LRRCC1: variants seen among roughly 807,000 people sequenced by gnomAD.
The protein encoded by LRRCC1 is leucine-rich repeat and coiled-coil domain-containing protein 1.
Under a neutral mutation model 126.0 loss-of-function variants are expected in LRRCC1, and 115 were observed. The ratio of observed to expected loss-of-function variants is 0.91; its 90% CI spans 0.78 to 1.07. The LOEUF (loss-of-function observed/expected upper bound fraction) is 1.07. LRRCC1 is among the 50% of genes least tolerant of loss of function. LRRCC1 has a pLI of 0.00. For missense variants in LRRCC1, 1,172 were observed against 1,175.7 expected, an observed-to-expected ratio of 1.00 and a Z score of 0.05; for synonymous variants, 400 against 393.4, an observed-to-expected ratio of 1.02 and a Z score of -0.20.
chr8:85,110,301 C>A, intron 3 of LRRCC1, 121 bp downstream of exon 3: 1 of 452,172 alleles, frequency 2.2e-6, no homozygotes, highest in Non-Finnish European at 4.0e-6. Flanking sequence ...CCAAAGAGCT[C>A]ATCTAGAGAG....
intron 5 of LRRCC1, 49 bp from the exon 6 acceptor site, chr8:85,115,326 A>C: frequency 6.4e-7 from 1 of 1,567,516 alleles, no homozygotes. Flanking sequence ...TTCAAATTTC[A>C]ATAAGTGAAT....
chr8:85,138,511 T>TA, intron 17 of LRRCC1, 36 bp downstream of exon 17: 1 of 1,584,706 alleles, frequency 6.3e-7, no homozygotes, highest in Non-Finnish European at 8.6e-7. Flanking sequence ...GAGATCTCCT[T>TA]AATCGTAAAC....
chr8:85,138,229 CAG>C lies in LRRCC1; in HGVS notation c.2690_2691del (p.Arg897LysfsTer12). ...GAAAGGAAGTAGAACTTGAAGAAAT[CAG>C]AAAAGCTTACAGGTATTATATAGTA... is the stretch of plus-strand genomic sequence containing the variant. The part of the protein sequence containing the change: ...KGKEVELEEI[R>X]KAYSTLNRKW... On this transcript the variant is annotated frameshift_variant, in exon 16 of 19. Coordinates refer to ENST00000360375, the MANE Select transcript of LRRCC1 (RefSeq NM_033402.5). LOFTEE classifies it high-confidence loss of function. 8 of 1,606,248 alleles carry C rather than the reference CAG, an allele frequency of 5.0e-6. No homozygotes were observed. The highest frequency in any genetic ancestry group is 6.8e-6 in the Non-Finnish European group (8 of 1,177,002).
At position 85,135,895 on chromosome 8, in the gene LRRCC1, C is replaced by T. The variant is rs376384602; in HGVS notation, c.2261C>T (p.Ala754Val). Residue 754 changes from alanine to valine, a missense_variant, in exon 14 of 19, where the codon GCC becomes GTC. Physicochemically the swap from Ala to Val is moderately conservative, Grantham distance 64 (BLOSUM62 0). Coordinates refer to ENST00000360375, the MANE Select transcript of LRRCC1 (RefSeq NM_033402.5). ...GTCCAGCTTATTTCTGAGCTAGCAG[C>T]CAAGGAATCACTAATATTTGGTTTA... is the stretch of plus-strand genomic sequence containing the variant. ...EKVQLISELA[A>V]KESLIFGLRT... 3 of 1,606,802 alleles carry T rather than the reference C, an allele frequency of 1.9e-6. No homozygotes were observed. The highest frequency in any genetic ancestry group is 2.6e-6 in the Non-Finnish European group (3 of 1,176,054).
rs1178474428 is a variant in LRRCC1 at position 85,126,771 on chromosome 8, A to C, written c.1355A>C (p.Asp452Ala). Residue 452 changes from aspartate (D) to alanine (A), a missense_variant, in exon 9 of 19, where the codon GAT (aspartate) becomes GCT (alanine). By Grantham distance (126) the Asp-to-Ala change is moderately radical. Coordinates refer to ENST00000360375, the MANE Select transcript of LRRCC1 (RefSeq NM_033402.5). ...QAENKLMDYI[D>A]ELHKHANEKE... is the part of the protein sequence containing the mutation. ...GAAAATAAACTCATGGATTATATTGATGAGCTGCATAAACATGCAAATGAA... is the reference window on the plus strand; with the variant it reads ...GAAAATAAACTCATGGATTATATTGCTGAGCTGCATAAACATGCAAATGAA... 1 of 1,612,784 alleles carries C rather than the reference A, an allele frequency of 6.2e-7. No homozygotes were observed. The highest frequency in any genetic ancestry group is 1.3e-5 in the African/African-American group (1 of 74,928).
In LRRCC1 at chr8:85,121,337, T is replaced by C. The variant is rs1809530979; in HGVS notation, c.931-2076T>C. Among the ~76,000 whole-genome samples the C allele has an allele frequency of 2.0e-5, 3 of 152,332 alleles. No homozygotes were observed. In the South Asian group the frequency reaches 6.2e-4, roughly 32 times the overall value. On this transcript the variant is annotated intron_variant, in intron 6 of 18. Transcript: ENST00000360375. ...GTCTACCATTTTATTGTTATTTGTT[T>C]TCTGTTTGTCTCTTTTATATTCATT...
chr8:85,118,134 A>G (rs1240156188), intron 6 of LRRCC1, among the ~76,000 whole-genome samples: 2 of 152,048 alleles, frequency 1.3e-5, no homozygotes, highest in Non-Finnish European at 2.9e-5. Flanking sequence ...CATTCAGTGT[A>G]TACTCTTTTG....
Position 85,109,660 on chromosome 8 carries a change from A to C in LRRCC1, c.170A>C (p.Lys57Thr). The C allele has an allele frequency of 6.2e-7, 1 of 1,611,858 alleles. No homozygotes were observed. The highest frequency in any genetic ancestry group is 1.1e-5 in the South Asian group (1 of 90,898). The change falls in exon 2 of 19, where the codon AAG becomes ACG. Residue 57 changes from lysine to threonine, a missense_variant. Transcript: ENST00000360375. The part of the protein sequence containing the change: ...AVNLHCNNIS[K>T]IEAIDHIWNL... ...AATCTTCATTGCAATAACATCTCCA[A>C]GATCGAAGCCATTGATCATATTTGG...
intron 11 of LRRCC1, among the ~76,000 whole-genome samples, chr8:85,131,536 A>C (rs1810468210): frequency 6.6e-6 from 1 of 152,212 alleles, no homozygotes; most frequent in South Asian, 2.1e-4. Context: ...TCATGAAGTT[A>C]AGATTTGACA....
At chr8:85,107,640 G>C in intron 1 of LRRCC1, 1 of 387,800 alleles carries the variant, frequency 2.6e-6, no homozygotes, top group Non-Finnish European at 4.6e-6. Flanking sequence ...ACTCTGCTTA[G>C]CCTAGAAACT....
At position 85,137,567 on chromosome 8, in the gene LRRCC1, A is replaced by G; in HGVS notation, c.2433A>G (p.Ala811=). The G allele has an allele frequency of 6.5e-7, 1 of 1,541,416 alleles. No homozygotes were observed. Among genetic ancestry groups the G allele is most frequent in the Non-Finnish European group, 8.7e-7 (1 of 1,148,494 alleles). The change falls in exon 15 of 19, where the codon GCA becomes GCG. Residue 811 remains alanine, a synonymous_variant. Coordinates refer to ENST00000360375, the MANE Select transcript of LRRCC1 (RefSeq NM_033402.5). Reference sequence around the variant, plus strand: ...AGACAAATGAAAGTGATAGTGATGCATTAAGAATAAAGTGCAAAATCATAG... The same window carrying G: ...AGACAAATGAAAGTGATAGTGATGCGTTAAGAATAAAGTGCAAAATCATAG... ...LRKTNESDSD[A]LRIKCKIIDD...
intron 12 of LRRCC1, among the ~76,000 whole-genome samples, chr8:85,133,895 C>A (rs981353668): frequency 6.6e-6 from 1 of 152,174 alleles, no homozygotes; most frequent in Non-Finnish European, 1.5e-5. Flanking sequence ...TCTTCAAAGA[C>A]CTCCATTGTC....
intron 6 of LRRCC1, among the ~76,000 whole-genome samples, chr8:85,119,088 A>G (rs563252743): frequency 2.0e-5 from 3 of 152,098 alleles, no homozygotes; most frequent in Non-Finnish European, 4.4e-5. Flanking sequence ...CTTTTCACTA[A>G]ATTTCTTTAA....
intron 18 of LRRCC1, among the ~76,000 whole-genome samples, chr8:85,143,467 G>A (rs1048690314): frequency 1.3e-5 from 2 of 151,954 alleles, no homozygotes; most frequent in African/African-American, 4.8e-5. Flanking sequence ...GCAAGACCTT[G>A]TCGCTACAAA....
In LRRCC1 at chr8:85,138,180, A is replaced by G; in HGVS notation, c.2639A>G (p.Glu880Gly). The G allele has an allele frequency of 6.2e-7, 1 of 1,612,362 alleles. No individual in the cohort carries two copies. The highest frequency in any genetic ancestry group is 8.5e-7 in the Non-Finnish European group (1 of 1,179,214). The change falls in exon 16 of 19, where the codon GAA becomes GGA. Residue 880 changes from glutamate to glycine, a missense_variant. Glu to Gly is a moderately conservative substitution (Grantham distance 98). Transcript: ENST00000360375. ...TTGGAAAGGCACAATGAAAGAAAAG[A>G]AAAACTAAAACAACAGTTGAAAGGA... The part of the protein sequence containing the change: ...EKLERHNERK[E>G]KLKQQLKGKE...
At chr8:85,132,799 A>T (rs1163551370) in intron 12 of LRRCC1, among the ~76,000 whole-genome samples, 1 of 152,210 alleles carries the variant, frequency 6.6e-6, no homozygotes, top group East Asian at 1.9e-4. Context: ...CTATAGAGGA[A>T]TAATTGTGCT....
chr8:85,111,299 C>A (rs1301606485), intron 3 of LRRCC1, among the ~76,000 whole-genome samples: 2 of 152,204 alleles, frequency 1.3e-5, no homozygotes, highest in African/African-American at 4.8e-5. Context: ...ATCACCTGAA[C>A]CCAGGAGGCA....
Position 85,137,450 on chromosome 8 carries a change from T to A in LRRCC1, c.2330-14T>A, listed in dbSNP as rs1810951023. On this transcript the variant is annotated splice_polypyrimidine_tract_variant and intron_variant, in intron 14 of 18. Coordinates refer to ENST00000360375, the MANE Select transcript of LRRCC1 (RefSeq NM_033402.5). ...GTGTTTCAAAGTATGTAATTGATGA[T>A]TTTTGTTTCTTAGGATCTTCTCTAG... is the stretch of plus-strand genomic sequence containing the variant. 2 of 1,536,518 alleles carry A rather than the reference T, an allele frequency of 1.3e-6. No individual in the cohort carries two copies. Among genetic ancestry groups the A allele is most frequent in the Non-Finnish European group, 1.7e-6 (2 of 1,151,008 alleles).
Position 85,137,604 on chromosome 8 carries a change from G to A in LRRCC1, c.2470G>A (p.Glu824Lys), listed in dbSNP as rs749946790. Residue 824 changes from glutamate (E) to lysine (K), a missense_variant, in exon 15 of 19, where the codon GAA becomes AAA. By Grantham distance (56) the Glu-to-Lys change is moderately conservative (BLOSUM62 1). Coordinates refer to ENST00000360375, the MANE Select transcript of LRRCC1 (RefSeq NM_033402.5). ...GTGCAAAATCATAGACGACCAAACTGAAACTATTAGAAAATTAAAAGATGT... is the reference window on the plus strand; with the variant it reads ...GTGCAAAATCATAGACGACCAAACTAAAACTATTAGAAAATTAAAAGATGT... ...IKCKIIDDQT[E>K]TIRKLKDCLQ... is the part of the protein sequence containing the mutation. 21 of 1,464,040 alleles carry A rather than the reference G, an allele frequency of 1.4e-5. No homozygotes were observed. The highest frequency in any genetic ancestry group is 1.8e-5 in the Non-Finnish European group (20 of 1,110,234). The allele number at this position is 1,464,040 out of a possible 1,614,324, so 90.7% of individuals were successfully genotyped here.
Sources: gnomAD v4.1 joint callset for allele counts (sites outside exome capture counted in the v4.1 genomes callset) on GRCh38, gnomAD v4.1.1 for gene constraint, MANE v1.5 for transcripts, NCBI Gene and HGNC (gene_info 2026-07-23, HGNC 2026-07-21) for gene names.